The following ITSN1 variants were observed in gnomAD, a reference collection of about 807,000 sequenced individuals.
The protein encoded by ITSN1 is intersectin 1, also known as intersectin-1.
Under a neutral mutation model 239.8 loss-of-function variants are expected in ITSN1, and 58 were observed. The observed-to-expected ratio is 0.24, with a 90% CI of 0.20 to 0.30. ITSN1 has a LOEUF of 0.30. ITSN1 is among the 10% of genes least tolerant of loss of function. ITSN1 has a pLI of 1.00. For synonymous variants in ITSN1, 780 were observed against 770.8 expected (o/e 1.01, Z -0.20); for missense variants, 1,558 against 2,103.3 (o/e 0.74, Z 5.07).
At chr21:33,836,903 G>GT in intron 29 of ITSN1, 5 of 1,066,562 alleles carry the variant, frequency 4.7e-6, no homozygotes, top group Non-Finnish European at 7.1e-6. Context: ...GCACCATGCT[G>GT]TTTACATGCC....
At chr21:33,836,995 T>C (rs373537444) in intron 29 of ITSN1, 11 of 1,613,254 alleles carry the variant, frequency 6.8e-6, no homozygotes, top group African/African-American at 1.3e-5. Context: ...AGGAATCATA[T>C]GTTGTCCATC....
At chr21:33,672,921 A>G (rs1031288331) in intron 1 of ITSN1, among the ~76,000 whole-genome samples, 2 of 152,208 alleles carry the variant, frequency 1.3e-5, no homozygotes, top group Admixed American at 1.3e-4. Context: ...CATGTTGGCC[A>G]GGATGGTCTC....
chr21:33,796,465 A>C (rs2071570118), intron 17 of ITSN1, among the ~76,000 whole-genome samples: 1 of 152,248 alleles, frequency 6.6e-6, no homozygotes, highest in Non-Finnish European at 1.5e-5. Flanking sequence ...ACAATGGAGA[A>C]TAAAAGTATA....
Position 33,819,140 on chromosome 21 carries a change from A to T in ITSN1, c.2934-101A>T, listed in dbSNP as rs73900370. 6.0e-4 allele frequency: 499 copies of T among 837,492 alleles called. 2 individuals carry two copies. In the African/African-American group the frequency reaches 7.2e-3, roughly 12 times the overall value. The allele number at this position is 837,492 out of a possible 1,614,324, so 51.9% of individuals were successfully genotyped here. ...CAACTATTTCAGCTGTGGGTCGTTT[A>T]AAGTTTTAAAAGTTAAGCAGTTTTA... On this transcript the variant is annotated intron_variant, in intron 23 of 39. Coordinates refer to ENST00000381318, the MANE Select transcript of ITSN1 (RefSeq NM_003024.3).
In ITSN1 at chr21:33,894,032, G is replaced by C. The variant is rs1303681852; in HGVS notation, c.*5732G>C. 3 of 152,210 alleles carry C rather than the reference G, an allele frequency of 2.0e-5. No individual in the cohort carries two copies. The highest frequency in any genetic ancestry group is 4.4e-5 in the Non-Finnish European group (3 of 68,056). 9.4% of individuals were successfully genotyped at this position (152,210 alleles called of 1,614,324 possible). A position where few individuals can be genotyped will look rare whatever the true frequency, so the allele number is the denominator to read the frequency against. On this transcript the variant is annotated 3_prime_UTR_variant, in exon 40 of 40. Coordinates refer to ENST00000381318, the MANE Select transcript of ITSN1 (RefSeq NM_003024.3). ...GTAGTTAATGCACTGTTCATTTAGG[G>C]AGTCCCCATCCTGGTCCAGGCCACC...
intron 1 of ITSN1, among the ~76,000 whole-genome samples, chr21:33,664,919 G>A (rs2089825516): frequency 6.7e-6 from 1 of 148,542 alleles, no homozygotes; most frequent in Non-Finnish European, 1.5e-5. Flanking sequence ...GAGATGAGAG[G>A]AAAAGATGCA....
At chr21:33,679,988 G>C (rs911665785) in intron 1 of ITSN1, among the ~76,000 whole-genome samples, 6 of 152,120 alleles carry the variant, frequency 3.9e-5, no homozygotes, top group Admixed American at 6.6e-5. Context: ...GTGAGACACC[G>C]CGCCCAGCCC....
rs150706202 is a variant in ITSN1 at position 33,852,631 on chromosome 21, G to A, written c.3662-4105G>A. ...CCATTTCGTAAATGTGTCTAACTAG[G>A]CAACATCTAAGGGACGGCACACAGA... On this transcript the variant is annotated intron_variant, in intron 29 of 39. Coordinates refer to ENST00000381318, the MANE Select transcript of ITSN1 (RefSeq NM_003024.3). 6.6e-5 allele frequency among the ~76,000 whole-genome samples: 10 copies of A among 152,160 alleles called. No individual in the cohort carries two copies. In the East Asian group the frequency reaches 1.9e-3, roughly 29 times the overall value.
chr21:33,895,562 C>G lies in ITSN1; in HGVS notation c.*7262C>G, dbSNP rs550003368. The G allele has an allele frequency of 7.2e-6, 1 of 139,430 alleles. No homozygotes were observed. Among genetic ancestry groups the G allele is most frequent in the East Asian group, 2.2e-4 (1 of 4,630 alleles). The allele number at this position is 139,430 out of a possible 1,614,324, so 8.6% of individuals were successfully genotyped here. A position where few individuals can be genotyped will look rare whatever the true frequency, so the allele number is the denominator to read the frequency against. The stretch of plus-strand genomic sequence containing the variant: ...ACGTGTGTGTGCACGCATGTGTGTG[C>G]GTGTATGTGTGCGTGTGTGCATGTT... On this transcript the variant is annotated 3_prime_UTR_variant, in exon 40 of 40. Transcript: ENST00000381318.
intron 31 of ITSN1, among the ~76,000 whole-genome samples, chr21:33,864,950 G>A (rs1981303341): frequency 1.3e-5 from 2 of 152,152 alleles, no homozygotes; most frequent in South Asian, 4.1e-4. Flanking sequence ...CAGCCACTCT[G>A]CCAAAGAAAA....
In ITSN1 at chr21:33,718,807, G is replaced by A. The variant is rs748376131; in HGVS notation, c.-22G>A. 3 of 1,610,170 alleles carry A rather than the reference G, an allele frequency of 1.9e-6. No individual in the cohort carries two copies. Among genetic ancestry groups the A allele is most frequent in the South Asian group, 1.1e-5 (1 of 90,468 alleles). On this transcript the variant is annotated 5_prime_UTR_variant, in exon 2 of 40. Coordinates refer to ENST00000381318, the MANE Select transcript of ITSN1 (RefSeq NM_003024.3). The stretch of plus-strand genomic sequence containing the variant: ...CATTTTCACTTACAGGCGTCGATTA[G>A]CAAGGTAAAAGTAACAGAACCATGG...
rs1986969112 is a variant in ITSN1, at chr21:33,899,380, C to T, written c.*11080C>T. The T allele has an allele frequency of 6.6e-6, 1 of 152,194 alleles. No homozygotes were observed. The highest frequency in any genetic ancestry group is 2.4e-5 in the African/African-American group (1 of 41,450). 9.4% of individuals were successfully genotyped at this position (152,194 alleles called of 1,614,324 possible). A position where few individuals can be genotyped will look rare whatever the true frequency, so the allele number is the denominator to read the frequency against. On this transcript the variant is annotated 3_prime_UTR_variant, in exon 40 of 40. Transcript: ENST00000381318. The stretch of plus-strand genomic sequence containing the variant: ...TGCCCAGGGGTAGGACCAGGCCCGC[C>T]CCTTGATGGATGTGCTGTTGATTGT...
chr21:33,837,470 A>C, intron 29 of ITSN1: 4 of 986,138 alleles, frequency 4.1e-6, no homozygotes, highest in Non-Finnish European at 4.8e-6. Flanking sequence ...CTGAGACTTG[A>C]TGTATTTTTT....
Position 33,722,148 on chromosome 21 carries a change from C to T in ITSN1, c.122-440C>T, listed in dbSNP as rs192374676. 2.3e-3 allele frequency among the ~76,000 whole-genome samples: 344 copies of T among 152,090 alleles called. 1 individual carries two copies. Among genetic ancestry groups the T allele is most frequent in the Non-Finnish European group, 2.9e-3 (197 of 67,978 alleles). On this transcript the variant is annotated intron_variant, in intron 3 of 39. Transcript: ENST00000381318. ...GTCTTGAACTTCTGACCTCAGGTGT[C>T]GTTCTTAATCATTGTTATTTATTCT...
At chr21:33,676,332 C>G (rs1288080793) in intron 1 of ITSN1, among the ~76,000 whole-genome samples, 1 of 152,090 alleles carries the variant, frequency 6.6e-6, no homozygotes, top group African/African-American at 2.4e-5. Context: ...ATGAGAACAT[C>G]CCCTGTCACT....
At chr21:33,748,039 G>A (rs1295519086) in intron 5 of ITSN1, among the ~76,000 whole-genome samples, 3 of 152,196 alleles carry the variant, frequency 2.0e-5, no homozygotes, top group Non-Finnish European at 4.4e-5. Flanking sequence ...ATATTATAAT[G>A]TATGTGACAG....
Position 33,893,218 on chromosome 21 carries a change from C to G in ITSN1, c.*4918C>G, listed in dbSNP as rs1212722686. Reference sequence around the variant, plus strand: ...CGCCTTCTAGAGTGAATGTTTCCCTCGAGCCCTTGGATATTTTTATTCTAT... The same window carrying G: ...CGCCTTCTAGAGTGAATGTTTCCCTGGAGCCCTTGGATATTTTTATTCTAT... On this transcript the variant is annotated 3_prime_UTR_variant, in exon 40 of 40. Coordinates refer to ENST00000381318, the MANE Select transcript of ITSN1 (RefSeq NM_003024.3). 1 of 152,244 alleles carries G rather than the reference C, an allele frequency of 6.6e-6. No homozygotes were observed. Among genetic ancestry groups the G allele is most frequent in the Non-Finnish European group, 1.5e-5 (1 of 68,076 alleles). The allele number at this position is 152,244 out of a possible 1,614,324, so 9.4% of individuals were successfully genotyped here.
rs1232981301 is a variant in ITSN1, at chr21:33,882,988, G to A, written c.4554+533G>A. Among the ~76,000 whole-genome samples, 3 of 152,126 alleles carry A rather than the reference G, an allele frequency of 2.0e-5. No individual in the cohort carries two copies. Among genetic ancestry groups the A allele is most frequent in the Admixed American group, 6.5e-5 (1 of 15,282 alleles). ...TTTGTGTGTCTTTGTGTCACGGGAC[G>A]TTGTTTTTCTAAATTTGTCTGCATG... On this transcript the variant is annotated intron_variant, in intron 35 of 39. Transcript: ENST00000381318. The surrounding 1 kb of genome is among the most constrained non-coding windows in gnomAD (Gnocchi z 4.5).
In ITSN1 at chr21:33,887,636, C is replaced by T. The variant is rs1005359932; in HGVS notation, c.5018-516C>T. ...TATTTATCTTTTTTCTTGTTGTTCT[C>T]GCTCTGTCACTCAGGCTGGAGCACA... On this transcript the variant is annotated intron_variant, in intron 39 of 39. Coordinates refer to ENST00000381318, the MANE Select transcript of ITSN1 (RefSeq NM_003024.3). Among the ~76,000 whole-genome samples the T allele has an allele frequency of 4.6e-5, 7 of 151,694 alleles. No homozygotes were observed. In the South Asian group the frequency reaches 6.2e-4, roughly 14 times the overall value.
Sources: gnomAD v4.1 joint callset for allele counts (sites outside exome capture counted in the v4.1 genomes callset) on GRCh38, gnomAD v4.1.1 for gene constraint, Gnocchi (gnomAD v3.1) non-coding constraint, MANE v1.5 for transcripts, NCBI Gene and HGNC (gene_info 2026-07-23, HGNC 2026-07-21) for gene names.